Variants in SHMT1 observed in about 807,000 individuals in gnomAD.
SHMT1 encodes serine hydroxymethyltransferase, cytosolic.
In SHMT1, 45 loss-of-function variants were observed where a neutral mutation model predicts 49.0. The ratio of observed to expected loss-of-function variants is 0.92; its 90% CI spans 0.72 to 1.18. The LOEUF is 1.18. Among genes scored for constraint, SHMT1 ranks in the 50% most tolerant of loss-of-function variants. SHMT1 has a pLI of 0.00. For synonymous variants in SHMT1, 232 were observed against 246.6 expected, an observed-to-expected ratio of 0.94 and a Z score of 0.55; for missense variants, 541 against 612.4, an observed-to-expected ratio of 0.88 and a Z score of 1.23.
intron 8 of SHMT1, 43 bp from the exon 9 acceptor site, chr17:18,333,331 C>G (rs1567770667): frequency 1.2e-6 from 2 of 1,603,184 alleles, no homozygotes; most frequent in African/African-American, 2.7e-5. Context: ...AGGATAGAAT[C>G]ATACACAGAT....
At chr17:18,348,800 T>A (rs906872680) in intron 3 of SHMT1, 4 of 482,852 alleles carry the variant, frequency 8.3e-6, no homozygotes, top group Non-Finnish European at 1.6e-5. Context: ...TACAGCAATA[T>A]CCCCATCTCT....
At position 18,353,710 on chromosome 17, in the gene SHMT1, G is replaced by C. The variant is rs1184510742; in HGVS notation, c.204C>G (p.Cys68Trp). 1 of 1,614,058 alleles carries C rather than the reference G, an allele frequency of 6.2e-7. No homozygotes were observed. Residue 68 changes from cysteine (C) to tryptophan (W), a missense_variant, in exon 3 of 12, where the codon TGC becomes TGG. Physicochemically the swap from Cys to Trp is radical, Grantham distance 215. Transcript: ENST00000316694. ...SRAVLEALGS[C>W]LNNKYSEGYP... ...ACCCCTCAGAGTATTTGTTATTTAA[G>C]CAAGAGCCTAGGGCCTCCAAAACTG...
In SHMT1 at chr17:18,355,999, G is replaced by A; in HGVS notation, c.-18C>T. 6.4e-7 allele frequency: 1 copy of A among 1,555,404 alleles called. No homozygotes were observed. Among genetic ancestry groups the A allele is most frequent in the Non-Finnish European group, 8.9e-7 (1 of 1,128,378 alleles). On this transcript the variant is annotated splice_region_variant and 5_prime_UTR_variant, in exon 2 of 12. Transcript: ENST00000316694. Reference sequence around the variant, plus strand: ...ATCGTCATTGCACTGGTTCGAAGCTGCCTAAAAAAATGGGAAAAACATGTG... The same window carrying A: ...ATCGTCATTGCACTGGTTCGAAGCTACCTAAAAAAATGGGAAAAACATGTG...
chr17:18,346,781 C>G (rs554593674), intron 5 of SHMT1, among the ~76,000 whole-genome samples: 1 of 152,328 alleles, frequency 6.6e-6, no homozygotes, highest in South Asian at 2.1e-4. Flanking sequence ...GCAAGATAGT[C>G]AAACACAAAC....
chr17:18,352,086 T>A (rs1259597710), intron 3 of SHMT1, among the ~76,000 whole-genome samples: 1 of 151,772 alleles, frequency 6.6e-6, no homozygotes, highest in African/African-American at 2.4e-5. Flanking sequence ...CCTCAAATGA[T>A]CCTCTGCCCT....
In SHMT1 at chr17:18,355,912, G is replaced by C; in HGVS notation, c.70C>G (p.Gln24Glu). The stretch of plus-strand genomic sequence containing the variant: ...TCAACATCACTGTCTTTGAGGGGTT[G>C]TGCCAGCATCTTGTCATGTGAGGAC... ...LWSSHDKMLA[Q>E]PLKDSDVEVY... The change falls in exon 2 of 12, where the codon CAA (glutamine) becomes GAA (glutamate). Residue 24 changes from glutamine (Q) to glutamate (E), a missense_variant. Gln to Glu is a conservative substitution (Grantham distance 29). Coordinates refer to ENST00000316694, the MANE Select transcript of SHMT1 (RefSeq NM_004169.5). 6.2e-7 allele frequency: 1 copy of C among 1,613,936 alleles called. No individual in the cohort carries two copies. Among genetic ancestry groups the C allele is most frequent in the Non-Finnish European group, 8.5e-7 (1 of 1,179,842 alleles).
At position 18,328,911 on chromosome 17, in the gene SHMT1, G is replaced by C; in HGVS notation, c.1291C>G (p.Leu431Val). The C allele has an allele frequency of 1.9e-6, 3 of 1,613,814 alleles. No homozygotes were observed. Among genetic ancestry groups the C allele is most frequent in the Non-Finnish European group, 2.5e-6 (3 of 1,179,954 alleles). ...VAHFIHRGIE[L>V]TLQIQSDTGV... is the part of the protein sequence containing the mutation. ...GTGTCGCTCTGGATCTGCAGGGTCA[G>C]CTCTATCCCTGTGCCACAAGACACA... is the stretch of plus-strand genomic sequence containing the variant. The change falls in exon 12 of 12, where the codon CTG becomes GTG. Residue 431 changes from leucine (L) to valine (V), a missense_variant. By Grantham distance (32) the Leu-to-Val change is conservative. Coordinates refer to ENST00000316694, the MANE Select transcript of SHMT1 (RefSeq NM_004169.5).
chr17:18,359,993 AC>A (rs1278441773), intron 1 of SHMT1, among the ~76,000 whole-genome samples: 1 of 151,820 alleles, frequency 6.6e-6, no homozygotes, highest in Non-Finnish European at 1.5e-5. Context: ...CACACCTGTA[AC>A]CCCAGCACTT....
chr17:18,346,808 G>A (rs765859787), intron 5 of SHMT1, among the ~76,000 whole-genome samples: 2 of 152,128 alleles, frequency 1.3e-5, no homozygotes, highest in Admixed American at 6.6e-5. Context: ...TTATAATACG[G>A]TGTTGACTAT....
chr17:18,350,630 T>C (rs889936610), intron 3 of SHMT1, among the ~76,000 whole-genome samples: 1 of 151,932 alleles, frequency 6.6e-6, no homozygotes, highest in African/African-American at 2.4e-5. Context: ...CAACGAGACC[T>C]TGTCATTCAT....
intron 1 of SHMT1, among the ~76,000 whole-genome samples, chr17:18,361,765 A>G (rs1986801203): frequency 6.6e-6 from 1 of 151,932 alleles, no homozygotes; most frequent in Non-Finnish European, 1.5e-5. Context: ...CGGCCTGGGC[A>G]ACAGAGTGAG....
chr17:18,352,539 A>G (rs926148515), intron 3 of SHMT1, among the ~76,000 whole-genome samples: 1 of 151,748 alleles, frequency 6.6e-6, no homozygotes, highest in Non-Finnish European at 1.5e-5. Context: ...CCTGGTGTGG[A>G]CCGGGTGCAG....
chr17:18,359,812 G>A (rs1986586863), intron 1 of SHMT1, among the ~76,000 whole-genome samples: 1 of 151,896 alleles, frequency 6.6e-6, no homozygotes, highest in African/African-American at 2.4e-5. Flanking sequence ...TGGGTGTGGT[G>A]GCGCCCGCCT....
chr17:18,329,946 C>T (rs1362392113), intron 10 of SHMT1, among the ~76,000 whole-genome samples: 1 of 152,208 alleles, frequency 6.6e-6, no homozygotes, highest in Non-Finnish European at 1.5e-5. Context: ...AATGCAGCCT[C>T]TGCCTCCTGG....
At chr17:18,352,125 G>GT (rs1295168229) in intron 3 of SHMT1, among the ~76,000 whole-genome samples, 1 of 149,800 alleles carries the variant, frequency 6.7e-6, no homozygotes, top group African/African-American at 2.5e-5. Flanking sequence ...GATTACAGGG[G>GT]TGAGCCACTA....
intron 3 of SHMT1, among the ~76,000 whole-genome samples, chr17:18,351,738 C>G (rs1598055872): frequency 6.6e-6 from 1 of 151,972 alleles, no homozygotes; most frequent in Non-Finnish European, 1.5e-5. Flanking sequence ...TGTGCCACTG[C>G]ACTCCAGCCT....
chr17:18,346,946 ACT>A (rs553440159), intron 5 of SHMT1, among the ~76,000 whole-genome samples: 86 of 152,282 alleles, frequency 5.6e-4, no homozygotes, highest in Middle Eastern at 3.4e-3. Context: ...AAGTCAAACC[ACT>A]GTCTGTTCCT....
At chr17:18,360,271 A>C (rs972683734) in intron 1 of SHMT1, 5 of 152,014 alleles carry the variant, frequency 3.3e-5, no homozygotes, top group Non-Finnish European at 7.3e-5. Flanking sequence ...AAAGAAATAC[A>C]CAAGGCCAGG....
chr17:18,344,234 T>C (rs1277713579), intron 5 of SHMT1, among the ~76,000 whole-genome samples: 1 of 152,200 alleles, frequency 6.6e-6, no homozygotes, highest in Non-Finnish European at 1.5e-5. Flanking sequence ...AGACCTCATC[T>C]AGAAAGTCAA....
Sources: allele counts gnomAD v4.1 joint callset (sites outside exome capture counted in the v4.1 genomes callset), GRCh38; gene constraint gnomAD v4.1.1; transcripts MANE v1.5; gene names NCBI Gene and HGNC (gene_info 2026-07-23, HGNC 2026-07-21).